Variants in BCAR3 observed in about 807,000 individuals in gnomAD.
BCAR3 encodes breast cancer anti-estrogen resistance protein 3.
Under a neutral mutation model 80.1 loss-of-function variants are expected in BCAR3, and 37 were observed. That is an observed-to-expected ratio of 0.46 (90% CI 0.36 to 0.61). BCAR3 has a LOEUF of 0.61. Ranked by LOEUF, BCAR3 falls within the 20% of genes least tolerant of loss-of-function variation. BCAR3 has a pLI of 0.00. For synonymous variants in BCAR3, 389 were observed against 418.9 expected, an observed-to-expected ratio of 0.93 and a Z score of 0.87; for missense variants, 978 against 1,068.2, an observed-to-expected ratio of 0.92 and a Z score of 1.18.
At chr1:93,623,488 G>A (rs1017794002) in intron 3 of BCAR3, among the ~76,000 whole-genome samples, 1 of 152,164 alleles carries the variant, frequency 6.6e-6, no homozygotes, top group Admixed American at 6.5e-5. Flanking sequence ...AACTAGGGCT[G>A]AGAGAGACAT....
intron 4 of BCAR3, among the ~76,000 whole-genome samples, chr1:93,591,642 T>C (rs533860315): frequency 3.9e-5 from 6 of 152,278 alleles, no homozygotes; most frequent in Non-Finnish European, 4.4e-5. Context: ...TTTTCAATTT[T>C]TACAGTATTA....
chr1:93,714,013 C>T (rs1195488801), intron 2 of BCAR3, among the ~76,000 whole-genome samples: 1 of 152,088 alleles, frequency 6.6e-6, no homozygotes, highest in Non-Finnish European at 1.5e-5. Flanking sequence ...GATGGAGTCT[C>T]GCTCTGTTAC....
At chr1:93,593,860 AT>A (rs1674313369) in intron 3 of BCAR3, among the ~76,000 whole-genome samples, 1 of 152,080 alleles carries the variant, frequency 6.6e-6, no homozygotes, top group East Asian at 1.9e-4. Context: ...TGATTTTTAG[AT>A]GGGGCTCTGG....
At chr1:93,818,400 T>A (rs150406210) in intron 2 of BCAR3, among the ~76,000 whole-genome samples, 423 of 152,338 alleles carry the variant, frequency 2.8e-3, no homozygotes, top group African/African-American at 9.5e-3. Flanking sequence ...TACCTTGGTC[T>A]ATGCCTACCA....
intron 2 of BCAR3, among the ~76,000 whole-genome samples, chr1:93,776,475 C>T (rs1030265605): frequency 2.6e-5 from 4 of 152,132 alleles, no homozygotes; most frequent in South Asian, 4.2e-4. Context: ...TGTCGATAAG[C>T]CATTATTTTA....
At chr1:93,760,233 A>G (rs976394331) in intron 2 of BCAR3, among the ~76,000 whole-genome samples, 1 of 152,172 alleles carries the variant, frequency 6.6e-6, no homozygotes, top group Non-Finnish European at 1.5e-5. Flanking sequence ...AGAGACAAAT[A>G]GGGGAAGGGA....
At chr1:93,656,471 T>A (rs1385746941) in intron 2 of BCAR3, among the ~76,000 whole-genome samples, 1 of 152,120 alleles carries the variant, frequency 6.6e-6, no homozygotes, top group African/African-American at 2.4e-5. Flanking sequence ...TTATAGTTTT[T>A]TATTTCTAGA....
chr1:93,653,052 A>C (rs1163223403), intron 2 of BCAR3, among the ~76,000 whole-genome samples: 4 of 152,248 alleles, frequency 2.6e-5, no homozygotes, highest in African/African-American at 9.6e-5. Context: ...TTTTGAATTA[A>C]GAGGTCCTAC....
intron 3 of BCAR3, among the ~76,000 whole-genome samples, chr1:93,626,102 C>G (rs74705008): frequency 0.034 from 5,153 of 152,252 alleles, 126 homozygotes; most frequent in East Asian, 0.12. Context: ...TACAGTATAT[C>G]ATGACTTGGT....
At chr1:93,618,429 A>G (rs1260733764) in intron 3 of BCAR3, among the ~76,000 whole-genome samples, 2 of 152,246 alleles carry the variant, frequency 1.3e-5, no homozygotes, top group African/African-American at 4.8e-5. Context: ...AAGAGACTAA[A>G]GTACAGTCTT....
At chr1:93,826,667 T>G (rs896995992) in intron 2 of BCAR3, among the ~76,000 whole-genome samples, 3 of 152,066 alleles carry the variant, frequency 2.0e-5, no homozygotes, top group African/African-American at 7.3e-5. Context: ...AGAAGGAAAG[T>G]CAGGGTGCTA....
At chr1:93,574,907 C>T (rs901035130) in intron 8 of BCAR3, among the ~76,000 whole-genome samples, 2 of 152,202 alleles carry the variant, frequency 1.3e-5, no homozygotes, top group African/African-American at 2.4e-5. Context: ...TCCATCCTCC[C>T]ACATGGCTGC....
rs893095174 is a variant in BCAR3 at position 93,718,947 on chromosome 1, C to T, written c.-62-12805G>A. Among the ~76,000 whole-genome samples the T allele has an allele frequency of 4.6e-5, 7 of 151,998 alleles. No homozygotes were observed. In the East Asian group the frequency reaches 1.4e-3, roughly 29 times the overall value. ...GAACTACTGAACTCAAGCAATCCGC[C>T]CGCCTCGGCCTCCCAAAGTGTTAGG... On this transcript the variant is annotated intron_variant, in intron 2 of 13. Coordinates refer to the BCAR3 transcript ENST00000370244.
intron 2 of BCAR3, among the ~76,000 whole-genome samples, chr1:93,793,334 C>T (rs1248637255): frequency 3.4e-5 from 2 of 58,234 alleles, no homozygotes; most frequent in Non-Finnish European, 5.7e-5. Context: ...ATTTCAGAGC[C>T]GGTTATTGGT....
chr1:93,719,421 A>G (rs12744280), intron 2 of BCAR3, among the ~76,000 whole-genome samples: 29,251 of 135,582 alleles, frequency 0.22, 3,824 homozygotes, highest in East Asian at 0.6. Context: ...GCTCACTGCA[A>G]CCTCTGCCTC....
At chr1:93,831,546 T>G (rs544740155) in intron 2 of BCAR3, among the ~76,000 whole-genome samples, 1 of 152,158 alleles carries the variant, frequency 6.6e-6, no homozygotes, top group South Asian at 2.1e-4. Flanking sequence ...GGCATTCTTT[T>G]ACACATTGGT....
chr1:93,760,006 T>C (rs931715008), intron 2 of BCAR3, among the ~76,000 whole-genome samples: 2 of 151,992 alleles, frequency 1.3e-5, no homozygotes, highest in African/African-American at 4.8e-5. Flanking sequence ...AGTGGGTCAG[T>C]AGGTCAGGGA....
chr1:93,633,444 G>A lies in BCAR3; in HGVS notation c.357+8860C>T, dbSNP rs552082344. ...TCTTCCCACCTGGTCTGACCTGACT[G>A]AACAATTACAAACACATGGTATATA... is the stretch of plus-strand genomic sequence containing the variant. On this transcript the variant is annotated intron_variant, in intron 3 of 11. Coordinates refer to ENST00000260502, the MANE Select transcript of BCAR3 (RefSeq NM_003567.4). Among the ~76,000 whole-genome samples, 24 of 152,258 alleles carry A rather than the reference G, an allele frequency of 1.6e-4. No homozygotes were observed. The South Asian group carries it at 2.1e-3, about 13-fold the overall frequency.
intron 2 of BCAR3, among the ~76,000 whole-genome samples, chr1:93,716,981 G>A (rs1650211616): frequency 2.0e-5 from 3 of 152,216 alleles, no homozygotes; most frequent in Admixed American, 2.0e-4. Flanking sequence ...TCTATCAACA[G>A]GTGGAATCAA....
Sources: allele counts gnomAD v4.1 joint callset (sites outside exome capture counted in the v4.1 genomes callset), GRCh38; gene constraint gnomAD v4.1.1; transcripts MANE v1.5; gene names NCBI Gene and HGNC (gene_info 2026-07-23, HGNC 2026-07-21).